ELAVL2: variants seen among roughly 807,000 people sequenced by gnomAD.
ELAVL2 encodes ELAV like RNA binding protein 2.
Under a neutral mutation model 34.6 loss-of-function variants are expected in ELAVL2, and 4 were observed. That is an observed-to-expected ratio of 0.12 (90% CI 0.06 to 0.26). ELAVL2 has a LOEUF of 0.26. Among genes scored for constraint, ELAVL2 ranks in the 10% least tolerant of loss-of-function variants. The probability of loss-of-function intolerance (pLI) is 1.00; values close to 1 mark genes in which losing one functional copy is unlikely to be tolerated. For synonymous variants in ELAVL2, 193 were observed against 154.8 expected, an observed-to-expected ratio of 1.25 and a Z score of -1.83; for missense variants, 432 against 442.8, an observed-to-expected ratio of 0.98 and a Z score of 0.22.
chr9:23,698,461 T>C (rs1017156022), intron 5 of ELAVL2, among the ~76,000 whole-genome samples: 1 of 152,216 alleles, frequency 6.6e-6, no homozygotes, highest in Non-Finnish European at 1.5e-5. Flanking sequence ...ATAAAAGATA[T>C]GGCTCATACT....
In ELAVL2 at chr9:23,819,414, C is replaced by T. The variant is rs181632279; in HGVS notation, c.-16+6392G>A. 3.6e-3 allele frequency among the ~76,000 whole-genome samples: 544 copies of T among 152,226 alleles called. 1 individual carries two copies. Among genetic ancestry groups the T allele is most frequent in the Admixed American group, 5.8e-3 (88 of 15,298 alleles). Reference sequence around the variant, plus strand: ...GAAAAGAAAAAAGGTTCCATAGTAACCTTTTGACACTGAGTGTCAAAAGAG... The same window carrying T: ...GAAAAGAAAAAAGGTTCCATAGTAATCTTTTGACACTGAGTGTCAAAAGAG... On this transcript the variant is annotated intron_variant, in intron 1 of 6. Coordinates refer to ENST00000397312, the MANE Select transcript of ELAVL2 (RefSeq NM_004432.5).
intron 1 of ELAVL2, among the ~76,000 whole-genome samples, chr9:23,769,760 G>C (rs893047880): frequency 1.3e-5 from 2 of 152,168 alleles, no homozygotes; most frequent in Non-Finnish European, 2.9e-5. Context: ...CGCGTCATAA[G>C]GAGAATGTTC....
intron 1 of ELAVL2, among the ~76,000 whole-genome samples, chr9:23,822,339 G>A (rs2064919063): frequency 6.6e-6 from 1 of 152,100 alleles, no homozygotes; most frequent in Non-Finnish European, 1.5e-5. Context: ...GAGAGAACCT[G>A]ACGTTTAAAT....
At chr9:23,726,896 T>C (rs2045343884) in intron 3 of ELAVL2, among the ~76,000 whole-genome samples, 1 of 151,998 alleles carries the variant, frequency 6.6e-6, no homozygotes, top group Non-Finnish European at 1.5e-5. Flanking sequence ...GTACAACCAC[T>C]CACTTCATGA....
At chr9:23,706,051 G>C (rs78416681) in intron 3 of ELAVL2, among the ~76,000 whole-genome samples, 4 of 152,114 alleles carry the variant, frequency 2.6e-5, no homozygotes, top group Non-Finnish European at 1.5e-5. Context: ...CCAGAAATTT[G>C]AATGTGTGAA....
intron 2 of ELAVL2, among the ~76,000 whole-genome samples, chr9:23,750,567 T>TA (rs1333284893): frequency 1.3e-5 from 2 of 152,048 alleles, no homozygotes; most frequent in East Asian, 3.9e-4. Context: ...GCACCATGTT[T>TA]AAAAAGAGCT....
intron 1 of ELAVL2, among the ~76,000 whole-genome samples, chr9:23,818,507 G>A (rs1164253091): frequency 6.6e-6 from 1 of 152,180 alleles, no homozygotes; most frequent in Non-Finnish European, 1.5e-5. Context: ...CTCAAATGTG[G>A]TAGCTTACTA....
At chr9:23,751,777 G>A (rs16907694) in intron 2 of ELAVL2, among the ~76,000 whole-genome samples, 6,603 of 152,186 alleles carry the variant, frequency 0.043, 212 homozygotes, top group Middle Eastern at 0.15. Context: ...TCACTTGAGA[G>A]CACCTTCATA....
At chr9:23,808,176 T>C (rs2062493747) in intron 1 of ELAVL2, among the ~76,000 whole-genome samples, 1 of 152,078 alleles carries the variant, frequency 6.6e-6, no homozygotes, top group South Asian at 2.1e-4. Context: ...ATAAGGTAGC[T>C]AGGAAGGAAA....
chr9:23,763,987 T>C (rs1243019506), intron 1 of ELAVL2, among the ~76,000 whole-genome samples: 1 of 152,182 alleles, frequency 6.6e-6, no homozygotes, highest in East Asian at 1.9e-4. Flanking sequence ...TAATTCAAGA[T>C]ATGGGTTTTA....
chr9:23,775,611 C>T (rs994682638), intron 1 of ELAVL2, among the ~76,000 whole-genome samples: 1 of 152,124 alleles, frequency 6.6e-6, no homozygotes, highest in Non-Finnish European at 1.5e-5. Flanking sequence ...CACTCCACTA[C>T]TATCTCTTTT....
At chr9:23,702,505 G>C (rs1439760976) in intron 4 of ELAVL2, among the ~76,000 whole-genome samples, 1 of 151,798 alleles carries the variant, frequency 6.6e-6, no homozygotes, top group Admixed American at 6.6e-5. Context: ...ACCACAGCTG[G>C]TCATCATGAG....
At chr9:23,718,289 C>CA (rs1167764528) in intron 3 of ELAVL2, among the ~76,000 whole-genome samples, 1 of 152,136 alleles carries the variant, frequency 6.6e-6, no homozygotes, top group Non-Finnish European at 1.5e-5. Context: ...ACACAATCTG[C>CA]AAGCCCTATC....
chr9:23,830,624 A>ACACACACACACACC (rs34847005), upstream of ELAVL2, among the ~76,000 whole-genome samples: 1 of 124,070 alleles, frequency 8.1e-6, no homozygotes, highest in Admixed American at 8.1e-5. Context: ...ACACACACAC[A>ACACACACACACACC]CCTTTTTTTT....
At chr9:23,787,366 G>A (rs545672146) in intron 1 of ELAVL2, among the ~76,000 whole-genome samples, 1 of 151,244 alleles carries the variant, frequency 6.6e-6, no homozygotes, top group South Asian at 2.1e-4. Context: ...AGAGTAGCTA[G>A]GATTACAGGC....
intron 3 of ELAVL2, among the ~76,000 whole-genome samples, chr9:23,708,263 A>C (rs1563990565): frequency 6.6e-6 from 1 of 152,222 alleles, no homozygotes; most frequent in Non-Finnish European, 1.5e-5. Context: ...CATTTAGGGC[A>C]TTATGAGACT....
chr9:23,822,222 T>G (rs2064899305), intron 1 of ELAVL2, among the ~76,000 whole-genome samples: 1 of 152,148 alleles, frequency 6.6e-6, no homozygotes. Context: ...CACATATGTG[T>G]GTCTCTTTTA....
At chr9:23,702,431 T>C (rs2037588201) in intron 4 of ELAVL2, among the ~76,000 whole-genome samples, 1 of 152,266 alleles carries the variant, frequency 6.6e-6, no homozygotes, top group East Asian at 1.9e-4. Context: ...TTCCAGGTTA[T>C]GAAAAATTGT....
At chr9:23,716,437 T>C (rs1478262175) in intron 3 of ELAVL2, among the ~76,000 whole-genome samples, 1 of 152,122 alleles carries the variant, frequency 6.6e-6, no homozygotes, top group Non-Finnish European at 1.5e-5. Context: ...CAACAAGTTT[T>C]GAAAAACACA....
Sources: allele counts gnomAD v4.1 joint callset (sites outside exome capture counted in the v4.1 genomes callset), GRCh38; gene constraint gnomAD v4.1.1; transcripts MANE v1.5; gene names NCBI Gene and HGNC (gene_info 2026-07-23, HGNC 2026-07-21).